Variants in MROH1 observed in about 807,000 individuals in gnomAD.
MROH1 encodes maestro heat-like repeat-containing protein family member 1.
A neutral mutation model predicts 116.5 loss-of-function variants in MROH1; 117 were observed. That is an observed-to-expected ratio of 1.00 (90% CI 0.86 to 1.17). The LOEUF is 1.17. MROH1 is among the 50% of genes most tolerant of loss of function. The pLI is 0.00. For missense variants in MROH1, 1,873 were observed against 1,338.5 expected, an observed-to-expected ratio of 1.40 and a Z score of -6.23; for synonymous variants, 921 against 583.9, an observed-to-expected ratio of 1.58 and a Z score of -8.32.
chr8:144,186,984 G>C (rs747644192), intron 7 of MROH1, among the ~76,000 whole-genome samples: 11 of 152,086 alleles, frequency 7.2e-5, no homozygotes, highest in Non-Finnish European at 1.3e-4. Context: ...TATAGTCCCA[G>C]CTACTCAGGA....
At chr8:144,232,359 T>G (rs1839062307) in intron 14 of MROH1, among the ~76,000 whole-genome samples, 2 of 149,320 alleles carry the variant, frequency 1.3e-5, no homozygotes, top group South Asian at 2.1e-4. Context: ...TTATTATGGA[T>G]TTTATGGATT....
At chr8:144,181,361 G>T (rs1478960342) in intron 7 of MROH1, among the ~76,000 whole-genome samples, 1 of 148,906 alleles carries the variant, frequency 6.7e-6, no homozygotes, top group African/African-American at 2.5e-5. Context: ...GCATGTTTTC[G>T]AAGCATGGAG....
intron 24 of MROH1, 56 bp from the exon 25 acceptor site, chr8:144,243,438 G>C: frequency 1.3e-6 from 1 of 773,084 alleles, no homozygotes; most frequent in Non-Finnish European, 2.4e-6. Context: ...GGGTATGCGC[G>C]GGTTCAGCCC....
chr8:144,249,141 G>T, intron 32 of MROH1, 112 bp downstream of exon 32: 1 of 683,128 alleles, frequency 1.5e-6, no homozygotes, highest in South Asian at 1.6e-5. Context: ...CACTGCGGGA[G>T]AAAACAGTGA....
chr8:144,167,484 C>CGGTTGTTGGGTAGAGTGGCT (rs1564377510), intron 3 of MROH1, among the ~76,000 whole-genome samples: 1 of 118,578 alleles, frequency 8.4e-6, no homozygotes, highest in Non-Finnish European at 1.7e-5. Context: ...GTGGAGTGGC[C>CGGTTGTTGGGTAGAGTGGCT]GGTTGTTGGG....
intron 10 of MROH1, among the ~76,000 whole-genome samples, chr8:144,197,010 A>G (rs1162687191): frequency 6.6e-6 from 1 of 151,906 alleles, no homozygotes; most frequent in Non-Finnish European, 1.5e-5. Flanking sequence ...CAGGAGAATC[A>G]CTTGAACCCA....
rs1439368861 is a variant in MROH1 at position 144,248,788 on chromosome 8, T to G, written c.3121-89T>G. 1.8e-5 allele frequency: 13 copies of G among 723,202 alleles called. No individual in the cohort carries two copies. In the African/African-American group the frequency reaches 2.3e-4, roughly 13 times the overall value. The allele number at this position is 723,202 out of a possible 1,614,324, so 44.8% of individuals were successfully genotyped here. A position where few individuals can be genotyped will look rare whatever the true frequency, so the allele number is the denominator to read the frequency against. On this transcript the variant is annotated intron_variant, in intron 31 of 43. Transcript: ENST00000326134. Reference sequence around the variant, plus strand: ...CAAGAAGGGGTGTGGCTTCCCGCCCTAACGCGAGCCCCTGAGACCCGATGC... The same window carrying G: ...CAAGAAGGGGTGTGGCTTCCCGCCCGAACGCGAGCCCCTGAGACCCGATGC...
chr8:144,168,486 G>A (rs548919502), intron 4 of MROH1, 46 bp downstream of exon 4: 50 of 1,557,350 alleles, frequency 3.2e-5, no homozygotes, highest in African/African-American at 8.1e-5. Flanking sequence ...GGCCATGGTC[G>A]GTTGGGGCTT....
intron 14 of MROH1, among the ~76,000 whole-genome samples, chr8:144,234,808 G>A: frequency 6.7e-6 from 1 of 149,868 alleles, no homozygotes; most frequent in Non-Finnish European, 1.5e-5. Flanking sequence ...GTGAGCCACT[G>A]CACCTAGTCG....
chr8:144,193,198 A>G (rs1049917984), intron 10 of MROH1: 21 of 155,436 alleles, frequency 1.4e-4, no homozygotes, highest in African/African-American at 5.1e-4. Context: ...GAACAGTTAC[A>G]TGGTAACAAA....
At chr8:144,231,911 T>G (rs1318135830) in intron 14 of MROH1, among the ~76,000 whole-genome samples, 3 of 152,246 alleles carry the variant, frequency 2.0e-5, no homozygotes, top group African/African-American at 4.8e-5. Flanking sequence ...TGACACATGA[T>G]AGATGTACAT....
chr8:144,253,412 C>T (rs1208035630), intron 33 of MROH1, among the ~76,000 whole-genome samples: 1 of 152,226 alleles, frequency 6.6e-6, no homozygotes, highest in African/African-American at 2.4e-5. Flanking sequence ...CACCCGGCCC[C>T]CAAGGCCTGA....
intron 14 of MROH1, among the ~76,000 whole-genome samples, chr8:144,226,640 A>G (rs896997364): frequency 6.6e-6 from 1 of 151,986 alleles, no homozygotes; most frequent in Non-Finnish European, 1.5e-5. Context: ...TTCAGTAGAG[A>G]TGCAGTTTCA....
At chr8:144,252,207 A>AT in intron 33 of MROH1, 1 of 163,408 alleles carries the variant, frequency 6.1e-6, no homozygotes, top group Non-Finnish European at 1.3e-5. Context: ...TAGAGCATGC[A>AT]TTTCTCTTTC....
At chr8:144,256,019 C>T (rs1159116448) in intron 35 of MROH1, among the ~76,000 whole-genome samples, 2 of 152,222 alleles carry the variant, frequency 1.3e-5, no homozygotes, top group Non-Finnish European at 2.9e-5. Flanking sequence ...GTGCCTTCTC[C>T]TGGGAGTGGA....
At chr8:144,151,386 A>G (rs1275230363) in intron 1 of MROH1, among the ~76,000 whole-genome samples, 1 of 152,138 alleles carries the variant, frequency 6.6e-6, no homozygotes, top group Non-Finnish European at 1.5e-5. Flanking sequence ...CAGTGGAAGA[A>G]CACACCAACA....
At chr8:144,153,740 G>T (rs1817391499) in intron 1 of MROH1, among the ~76,000 whole-genome samples, 1 of 152,202 alleles carries the variant, frequency 6.6e-6, no homozygotes, top group Non-Finnish European at 1.5e-5. Flanking sequence ...ATCATTGGAT[G>T]ATATGGCAGT....
intron 10 of MROH1, among the ~76,000 whole-genome samples, chr8:144,195,005 T>C (rs1829488664): frequency 6.6e-6 from 1 of 150,714 alleles, no homozygotes; most frequent in South Asian, 2.1e-4. Flanking sequence ...AGCTAGAAAG[T>C]ATATGAAAAC....
chr8:144,170,185 G>A (rs1210796856), intron 4 of MROH1, among the ~76,000 whole-genome samples: 1 of 152,198 alleles, frequency 6.6e-6, no homozygotes, highest in African/African-American at 2.4e-5. Context: ...AGAGAGAGGA[G>A]GGCAGAGCAG....
Sources: gnomAD v4.1 joint callset for allele counts (sites outside exome capture counted in the v4.1 genomes callset) on GRCh38, gnomAD v4.1.1 for gene constraint, MANE v1.5 for transcripts, NCBI Gene and HGNC (gene_info 2026-07-23, HGNC 2026-07-21) for gene names.